HS3ST4: variants seen among roughly 807,000 people sequenced by gnomAD.
HS3ST4 encodes heparan sulfate-glucosamine 3-sulfotransferase 4.
In HS3ST4, 17 loss-of-function variants were observed where a neutral mutation model predicts 29.2. The observed-to-expected ratio is 0.58, with a 90% CI of 0.40 to 0.87. The LOEUF (loss-of-function observed/expected upper bound fraction) is 0.87, where lower values mean the gene tolerates loss of function less well. Among genes scored for constraint, HS3ST4 ranks in the 40% least tolerant of loss-of-function variants. HS3ST4 has a pLI of 0.00. For missense variants in HS3ST4, 627 were observed against 634.5 expected (o/e 0.99, Z 0.13); for synonymous variants, 314 against 285.7 (o/e 1.10, Z -1.00).
intron 1 of HS3ST4, among the ~76,000 whole-genome samples, chr16:25,825,031 G>A (rs1326712760): frequency 1.3e-5 from 2 of 152,168 alleles, no homozygotes; most frequent in African/African-American, 2.4e-5. Context: ...TCCAATGATC[G>A]TTGTCATTAC....
intron 1 of HS3ST4, among the ~76,000 whole-genome samples, chr16:26,029,843 A>G (rs551336320): frequency 6.6e-6 from 1 of 152,342 alleles, no homozygotes; most frequent in East Asian, 1.9e-4. Flanking sequence ...TTCCACACGC[A>G]GTGTCAAAAG....
Position 25,989,124 on chromosome 16 carries a change from T to C in HS3ST4, c.735-146488T>C, listed in dbSNP as rs191161038. On this transcript the variant is annotated intron_variant, in intron 1 of 1. Transcript: ENST00000331351. ...AGCCGGAATGGTTACAGCTCAGCGT[T>C]TGGCTTATTTGAATCTGGCTTGAAC... Among the ~76,000 whole-genome samples, 32 of 152,312 alleles carry C rather than the reference T, an allele frequency of 2.1e-4. No homozygotes were observed. In the East Asian group the frequency reaches 5.2e-3, roughly 25 times the overall value.
chr16:25,703,108 G>A (rs1440800963), intron 1 of HS3ST4, among the ~76,000 whole-genome samples: 2 of 152,002 alleles, frequency 1.3e-5, no homozygotes, highest in Admixed American at 6.5e-5. Flanking sequence ...GCATTGAGCC[G>A]AGATTGCACC....
At position 25,692,729 on chromosome 16, in the gene HS3ST4, C is replaced by T; in HGVS notation, c.312C>T (p.Asp104=). Residue 104 remains aspartate, a synonymous_variant, in exon 1 of 2, where the codon GAC becomes GAT. Coordinates refer to ENST00000331351, the MANE Select transcript of HS3ST4 (RefSeq NM_006040.3). ...PSQPPAPPPL[D]NASHGEPPEP... is the part of the protein sequence containing the mutation. Reference sequence around the variant, plus strand: ...AGCCGCCCGCGCCGCCGCCGCTGGACAACGCGAGCCACGGGGAGCCGCCCG... The same window carrying T: ...AGCCGCCCGCGCCGCCGCCGCTGGATAACGCGAGCCACGGGGAGCCGCCCG... 1.6e-6 allele frequency: 2 copies of T among 1,272,570 alleles called. No individual in the cohort carries two copies. The highest frequency in any genetic ancestry group is 2.0e-6 in the Non-Finnish European group (2 of 1,012,680). 78.8% of individuals were successfully genotyped at this position (1,272,570 alleles called of 1,614,324 possible).
intron 1 of HS3ST4, among the ~76,000 whole-genome samples, chr16:26,057,468 G>A (rs1282095594): frequency 6.6e-6 from 1 of 152,156 alleles, no homozygotes; most frequent in Non-Finnish European, 1.5e-5. Flanking sequence ...CTAAAAGCTG[G>A]TGCAGGCTGG....
intron 1 of HS3ST4, among the ~76,000 whole-genome samples, chr16:26,069,902 CT>C (rs1375575303): frequency 6.6e-6 from 1 of 152,114 alleles, no homozygotes; most frequent in African/African-American, 2.4e-5. Flanking sequence ...TTTTTTATGG[CT>C]GCATAGTACT....
intron 1 of HS3ST4, among the ~76,000 whole-genome samples, chr16:25,918,028 G>T (rs563876715): frequency 6.6e-6 from 1 of 152,294 alleles, no homozygotes; most frequent in South Asian, 2.1e-4. Flanking sequence ...GATAGGGTGG[G>T]GGGGAGCATC....
intron 1 of HS3ST4, among the ~76,000 whole-genome samples, chr16:26,066,993 A>G (rs1249295198): frequency 2.0e-5 from 3 of 152,206 alleles, no homozygotes. Context: ...AGATAAAGTC[A>G]TATGAGGACT....
chr16:26,042,379 T>C (rs1276501076), intron 1 of HS3ST4, among the ~76,000 whole-genome samples: 1 of 151,740 alleles, frequency 6.6e-6, no homozygotes, highest in Non-Finnish European at 1.5e-5. Context: ...TGTGTGTGTG[T>C]GTGTTTCAGC....
chr16:25,736,262 G>GTCA (rs1305509878), intron 1 of HS3ST4, among the ~76,000 whole-genome samples: 1 of 152,198 alleles, frequency 6.6e-6, no homozygotes, highest in East Asian at 1.9e-4. Flanking sequence ...ACCACCCTTT[G>GTCA]TCATCATGTC....
chr16:25,773,735 T>G (rs534968153), intron 1 of HS3ST4, among the ~76,000 whole-genome samples: 14 of 152,354 alleles, frequency 9.2e-5, no homozygotes, highest in Admixed American at 5.2e-4. Context: ...GGGCTTTCCA[T>G]GTACTTGTCA....
At chr16:25,956,852 G>C (rs1052982837) in intron 1 of HS3ST4, among the ~76,000 whole-genome samples, 1 of 151,976 alleles carries the variant, frequency 6.6e-6, no homozygotes, top group African/African-American at 2.4e-5. Context: ...CAAAAAATTA[G>C]CCAGGTTTGG....
At chr16:25,714,146 A>G (rs1330217150) in intron 1 of HS3ST4, among the ~76,000 whole-genome samples, 4 of 152,222 alleles carry the variant, frequency 2.6e-5, no homozygotes, top group Non-Finnish European at 5.9e-5. Context: ...CCCGTTCCAA[A>G]AAAAAGCACC....
intron 1 of HS3ST4, among the ~76,000 whole-genome samples, chr16:25,848,121 G>C (rs1314626078): frequency 6.6e-6 from 1 of 151,986 alleles, no homozygotes; most frequent in Non-Finnish European, 1.5e-5. Context: ...GATTTGGGAG[G>C]GTTAGGTATT....
intron 1 of HS3ST4, among the ~76,000 whole-genome samples, chr16:25,915,096 A>G (rs1408698416): frequency 2.6e-5 from 4 of 152,128 alleles, no homozygotes; most frequent in African/African-American, 7.2e-5. Context: ...GTGACAACCA[A>G]TAACGACTCC....
chr16:26,083,583 C>T (rs900030209), intron 1 of HS3ST4, among the ~76,000 whole-genome samples: 6 of 152,070 alleles, frequency 3.9e-5, no homozygotes, highest in Non-Finnish European at 8.8e-5. Context: ...GTGAAACTGG[C>T]CACAGACAGT....
At chr16:26,023,662 T>A (rs1270937468) in intron 1 of HS3ST4, among the ~76,000 whole-genome samples, 1 of 151,906 alleles carries the variant, frequency 6.6e-6, no homozygotes, top group African/African-American at 2.4e-5. Context: ...TGTCTCAGCC[T>A]CCTAATGTGC....
chr16:25,828,254 T>G (rs181499611), intron 1 of HS3ST4, among the ~76,000 whole-genome samples: 2,164 of 72,528 alleles, frequency 0.03, 133 homozygotes, highest in South Asian at 0.063. Context: ...CTTTCTTTCT[T>G]TCTTTCTTTC....
intron 1 of HS3ST4, among the ~76,000 whole-genome samples, chr16:26,020,885 T>G (rs1969406429): frequency 6.6e-6 from 1 of 152,140 alleles, no homozygotes; most frequent in Non-Finnish European, 1.5e-5. Flanking sequence ...ATGTATTAGT[T>G]TTGCAAATTT....
Sources: allele counts gnomAD v4.1 joint callset (sites outside exome capture counted in the v4.1 genomes callset), GRCh38; gene constraint gnomAD v4.1.1; transcripts MANE v1.5; gene names NCBI Gene and HGNC (gene_info 2026-07-23, HGNC 2026-07-21).